Variants in CFAP95 observed in about 807,000 individuals in gnomAD.
CFAP95 encodes the protein cilia and flagella associated protein 95.
chr9:69,893,701 A>G, the CFAP95 span, among the ~76,000 whole-genome samples: 4 of 152,190 alleles, frequency 2.6e-5, no homozygotes, highest in Non-Finnish European at 5.9e-5. Context: ...TTGTATTCTA[A>G]AGTGTGGTTT....
At chr9:69,823,208 G>C in the CFAP95 span, among the ~76,000 whole-genome samples, 5 of 152,126 alleles carry the variant, frequency 3.3e-5, no homozygotes, top group Non-Finnish European at 7.3e-5. Context: ...GAGGAACTTC[G>C]AAACGCTGAT....
At chr9:69,888,247 T>C in the CFAP95 span, among the ~76,000 whole-genome samples, 1 of 152,104 alleles carries the variant, frequency 6.6e-6, no homozygotes, top group Non-Finnish European at 1.5e-5. Context: ...TTTAGGGAAG[T>C]AAGGGGTTTA....
chr9:69,839,514 C>T, the CFAP95 span, among the ~76,000 whole-genome samples: 26,298 of 151,956 alleles, frequency 0.17, 2,423 homozygotes, highest in East Asian at 0.31. Flanking sequence ...GCAACCTCTG[C>T]TTCCCGGGTT....
the CFAP95 span, among the ~76,000 whole-genome samples, chr9:69,881,923 C>A: frequency 6.6e-6 from 1 of 150,512 alleles, no homozygotes; most frequent in Non-Finnish European, 1.5e-5. Flanking sequence ...TTGTGGCTAT[C>A]GTAAATGGGA....
At chr9:69,860,863 CT>C in the CFAP95 span, among the ~76,000 whole-genome samples, 1 of 152,114 alleles carries the variant, frequency 6.6e-6, no homozygotes, top group Non-Finnish European at 1.5e-5. Flanking sequence ...TCTGATAGGC[CT>C]TCAGGGGCAG....
At chr9:69,893,495 T>C in the CFAP95 span, among the ~76,000 whole-genome samples, 94,356 of 152,036 alleles carry the variant, frequency 0.62, 29,611 homozygotes, top group East Asian at 0.82. Flanking sequence ...TATTTTAAGG[T>C]CCTCTCTTTG....
chr9:69,904,590 G>T, the CFAP95 span, among the ~76,000 whole-genome samples: 3 of 152,042 alleles, frequency 2.0e-5, no homozygotes, highest in Non-Finnish European at 4.4e-5. Context: ...CCTTCTCTCT[G>T]CCTATGAAAT....
chr9:69,823,646 A>G, the CFAP95 span, among the ~76,000 whole-genome samples: 1 of 152,350 alleles, frequency 6.6e-6, no homozygotes, highest in South Asian at 2.1e-4. Flanking sequence ...TGAAGAGACC[A>G]CCAAACAGGC....
the CFAP95 span, among the ~76,000 whole-genome samples, chr9:69,853,816 A>G: frequency 4.6e-5 from 7 of 152,196 alleles, no homozygotes; most frequent in East Asian, 1.3e-3. Context: ...TCAGAGACCA[A>G]TTCCTTCCAG....
the CFAP95 span, among the ~76,000 whole-genome samples, chr9:69,831,634 C>T: frequency 4.8e-3 from 731 of 152,204 alleles, 6 homozygotes; most frequent in African/African-American, 0.017. Flanking sequence ...TAGCGGTAAG[C>T]AGGTTGCTCA....
chr9:69,848,105 C>T, the CFAP95 span, among the ~76,000 whole-genome samples: 50 of 152,256 alleles, frequency 3.3e-4, no homozygotes, highest in Non-Finnish European at 6.8e-4. Flanking sequence ...GTCTTATCTG[C>T]AAGGACCCTT....
the CFAP95 span, among the ~76,000 whole-genome samples, chr9:69,904,348 A>G: frequency 6.6e-6 from 1 of 152,216 alleles, no homozygotes; most frequent in South Asian, 2.1e-4. Flanking sequence ...GGGTCTTTCA[A>G]TTCTGTAGCA....
At chr9:69,872,184 A>G in the CFAP95 span, among the ~76,000 whole-genome samples, 1 of 152,186 alleles carries the variant, frequency 6.6e-6, no homozygotes, top group Non-Finnish European at 1.5e-5. Flanking sequence ...ATCTGCAGTT[A>G]CTTTTGCACC....
chr9:69,905,833 A>C, the CFAP95 span: 1 of 721,546 alleles, frequency 1.4e-6, no homozygotes. Context: ...AGAACAAATT[A>C]ATCAATTGTT....
chr9:69,835,408 AT>A, the CFAP95 span, among the ~76,000 whole-genome samples: 1 of 152,200 alleles, frequency 6.6e-6, no homozygotes, highest in Non-Finnish European at 1.5e-5. Context: ...TGTTATGCAT[AT>A]GTATGTTGAA....
chr9:69,866,747 G>A, the CFAP95 span, among the ~76,000 whole-genome samples: 2 of 152,218 alleles, frequency 1.3e-5, no homozygotes, highest in Non-Finnish European at 2.9e-5. Context: ...CAAGCACTAA[G>A]CTTATAAAGG....
chr9:69,823,596 A>T, the CFAP95 span, among the ~76,000 whole-genome samples: 1 of 152,184 alleles, frequency 6.6e-6, no homozygotes, highest in African/African-American at 2.4e-5. Context: ...GGCCTGCCAC[A>T]TATTAAGAAC....
chr9:69,842,478 G>T, the CFAP95 span, among the ~76,000 whole-genome samples: 2 of 152,170 alleles, frequency 1.3e-5, no homozygotes, highest in African/African-American at 2.4e-5. Flanking sequence ...GCAAAACTAA[G>T]TTCCAATGTA....
the CFAP95 span, among the ~76,000 whole-genome samples, chr9:69,888,739 G>A: frequency 7.9e-5 from 12 of 152,198 alleles, no homozygotes; most frequent in Non-Finnish European, 1.3e-4. Flanking sequence ...TTGGCCACAT[G>A]TGGTGGTGCG....
Sources: gnomAD v4.1 joint callset for allele counts (sites outside exome capture counted in the v4.1 genomes callset) on GRCh38, gnomAD v4.1.1 for gene constraint, MANE v1.5 for transcripts, NCBI Gene and HGNC (gene_info 2026-07-23, HGNC 2026-07-21) for gene names.